BAZ2B: variants seen among roughly 807,000 people sequenced by gnomAD.
BAZ2B encodes the protein bromodomain adjacent to zinc finger domain protein 2B.
BAZ2B carries 91 observed loss-of-function variants against 246.0 expected under a neutral mutation model. The observed-to-expected ratio is 0.37, with a 90% CI of 0.31 to 0.44. The LOEUF is 0.44. Among genes scored for constraint, BAZ2B ranks in the 20% least tolerant of loss-of-function variants. BAZ2B has a pLI of 1.00. For missense variants in BAZ2B, 2,332 were observed against 2,533.7 expected (o/e 0.92, Z 1.71); for synonymous variants, 855 against 860.0 (o/e 0.99, Z 0.10).
chr2:159,598,451 A>C (rs2151745780), intron 1 of BAZ2B, among the ~76,000 whole-genome samples: 1 of 152,358 alleles, frequency 6.6e-6, no homozygotes, highest in South Asian at 2.1e-4. Context: ...ATTAGTACAA[A>C]TATTTCAGAA....
At chr2:159,483,421 A>G (rs564427194) in intron 2 of BAZ2B, among the ~76,000 whole-genome samples, 1 of 152,216 alleles carries the variant, frequency 6.6e-6, no homozygotes, top group Admixed American at 6.5e-5. Flanking sequence ...GCTGGTCTTG[A>G]ATTCTTGAGT....
chr2:159,484,335 TA>T (rs1243881666), intron 2 of BAZ2B, among the ~76,000 whole-genome samples: 1 of 152,238 alleles, frequency 6.6e-6, no homozygotes, highest in Non-Finnish European at 1.5e-5. Context: ...TAATAAGTGA[TA>T]AAATTATACT....
the BAZ2B span, among the ~76,000 whole-genome samples, chr2:159,673,196 CA>C: frequency 0.067 from 10,201 of 152,018 alleles, 442 homozygotes; most frequent in Middle Eastern, 0.19. Flanking sequence ...GAAAAATAGG[CA>C]AAAAAATTTA....
intron 27 of BAZ2B, among the ~76,000 whole-genome samples, chr2:159,367,947 C>T (rs573551427): frequency 5.5e-4 from 83 of 152,220 alleles, no homozygotes; most frequent in African/African-American, 1.9e-3. Context: ...GTTGAATTAA[C>T]TTTCAGCACC....
intron 13 of BAZ2B, among the ~76,000 whole-genome samples, chr2:159,419,179 T>C (rs756619231): frequency 6.6e-6 from 1 of 152,146 alleles, no homozygotes; most frequent in Non-Finnish European, 1.5e-5. Context: ...TAAAAGCAAA[T>C]TGATCTTAAA....
At chr2:159,513,368 A>T (rs1348712145) in intron 2 of BAZ2B, among the ~76,000 whole-genome samples, 2 of 152,172 alleles carry the variant, frequency 1.3e-5, no homozygotes, top group Non-Finnish European at 2.9e-5. Flanking sequence ...TTTCACTATA[A>T]ACTACCTGTT....
intron 3 of BAZ2B, chr2:159,462,926 T>G: frequency 6.9e-7 from 1 of 1,450,894 alleles, no homozygotes. Flanking sequence ...CTACTTGTTT[T>G]GGCTGGGGGT....
At chr2:159,640,430 G>C in the BAZ2B span, among the ~76,000 whole-genome samples, 1 of 151,816 alleles carries the variant, frequency 6.6e-6, no homozygotes, top group African/African-American at 2.4e-5. Context: ...TCATTCTCAA[G>C]GATAGACCAT....
intron 22 of BAZ2B, among the ~76,000 whole-genome samples, 153 bp from the exon 23 acceptor site, chr2:159,385,522 A>G (rs760454482): frequency 2.6e-5 from 4 of 152,086 alleles, no homozygotes; most frequent in Non-Finnish European, 5.9e-5. Context: ...AAAATAGTCA[A>G]TAGAAGACAG....
the BAZ2B span, among the ~76,000 whole-genome samples, chr2:159,622,964 C>A: frequency 1.4e-5 from 2 of 139,198 alleles, no homozygotes; most frequent in African/African-American, 2.7e-5. Flanking sequence ...AGAGTGAGAC[C>A]CTGTCTCAAA....
chr2:159,406,265 C>T (rs1351374220), intron 14 of BAZ2B, among the ~76,000 whole-genome samples: 1 of 152,108 alleles, frequency 6.6e-6, no homozygotes, highest in East Asian at 1.9e-4. Flanking sequence ...GTGCTTTGCC[C>T]AAGACTGAAG....
intron 11 of BAZ2B, 33 bp downstream of exon 11, chr2:159,429,167 G>GA (rs1212816249): frequency 2.8e-6 from 4 of 1,440,574 alleles, no homozygotes; most frequent in Non-Finnish European, 3.7e-6. Context: ...ATATATGGGG[G>GA]AAAAAGAAAA....
intron 31 of BAZ2B, among the ~76,000 whole-genome samples, chr2:159,344,203 C>G (rs937076082): frequency 6.6e-6 from 1 of 152,038 alleles, no homozygotes; most frequent in Non-Finnish European, 1.5e-5. Context: ...AGCAATCCTA[C>G]TACTGGGAAT....
intron 25 of BAZ2B, among the ~76,000 whole-genome samples, chr2:159,381,692 T>A (rs906861725): frequency 6.6e-6 from 1 of 152,176 alleles, no homozygotes; most frequent in Non-Finnish European, 1.5e-5. Context: ...AACTTAAAAA[T>A]TAATGCTGAC....
At chr2:159,606,167 G>C (rs1440130341) in intron 1 of BAZ2B, among the ~76,000 whole-genome samples, 1 of 152,186 alleles carries the variant, frequency 6.6e-6, no homozygotes, top group Admixed American at 6.5e-5. Flanking sequence ...AAAAGGACTT[G>C]ATTACATAAC....
chr2:159,623,867 T>C, the BAZ2B span, among the ~76,000 whole-genome samples: 1 of 152,254 alleles, frequency 6.6e-6, no homozygotes, highest in African/African-American at 2.4e-5. Flanking sequence ...GAATTAATTA[T>C]GGAACATCCA....
chr2:159,486,984 G>A (rs2079911321), intron 2 of BAZ2B, among the ~76,000 whole-genome samples: 1 of 152,038 alleles, frequency 6.6e-6, no homozygotes, highest in Non-Finnish European at 1.5e-5. Flanking sequence ...TATGCTCATA[G>A]ACTATTTCTA....
chr2:159,597,330 T>C (rs1036310901), intron 1 of BAZ2B, among the ~76,000 whole-genome samples: 5 of 152,210 alleles, frequency 3.3e-5, no homozygotes, highest in African/African-American at 1.2e-4. Flanking sequence ...ACTTGCTTCC[T>C]TAGAATACTA....
intron 1 of BAZ2B, among the ~76,000 whole-genome samples, chr2:159,577,846 T>C (rs185377609): frequency 1.3e-5 from 2 of 152,274 alleles, no homozygotes. Flanking sequence ...AAACTTATAA[T>C]ACTGCTTTTC....
Sources: gnomAD v4.1 joint callset for allele counts (sites outside exome capture counted in the v4.1 genomes callset) on GRCh38, gnomAD v4.1.1 for gene constraint, MANE v1.5 for transcripts, NCBI Gene and HGNC (gene_info 2026-07-23, HGNC 2026-07-21) for gene names.